ARRDC2: variants seen among roughly 807,000 people sequenced by gnomAD.
ARRDC2 encodes the protein arrestin domain-containing protein 2.
Under a neutral mutation model 38.9 loss-of-function variants are expected in ARRDC2, and 39 were observed. The observed-to-expected ratio is 1.00, with a 90% confidence interval of 0.78 to 1.31. ARRDC2 has a LOEUF of 1.31. ARRDC2 is among the 50% of genes most tolerant of loss of function. The pLI, the probability that ARRDC2 is intolerant of heterozygous loss-of-function variation, is 0.00. For synonymous variants in ARRDC2, 300 were observed against 261.9 expected, an observed-to-expected ratio of 1.15 and a Z score of -1.41; for missense variants, 553 against 588.4, an observed-to-expected ratio of 0.94 and a Z score of 0.62.
chr19:18,008,134 C>CCCCCCCCA, upstream of ARRDC2: 2 of 1,301,154 alleles, frequency 1.5e-6, no homozygotes, highest in Non-Finnish European at 2.0e-6. Context: ...CCCCCCCGCC[C>CCCCCCCCA]TGCCGTATAA....
chr19:18,009,142 T>C, intron 3 of ARRDC2, 24 bp downstream of exon 3: 1 of 1,610,164 alleles, frequency 6.2e-7, no homozygotes, highest in Non-Finnish European at 8.5e-7. Context: ...CTTGGGGAGG[T>C]AGGTTGGGAG....
chr19:18,001,821 G>C (rs2033192581), intron 1 of ARRDC2, among the ~76,000 whole-genome samples: 1 of 152,208 alleles, frequency 6.6e-6, no homozygotes, highest in African/African-American at 2.4e-5. Context: ...CGCGCGCCTG[G>C]AGTCCCAGCT....
chr19:18,006,517 G>A (rs10423598), upstream of ARRDC2, among the ~76,000 whole-genome samples: 32,792 of 152,086 alleles, frequency 0.22, 3,754 homozygotes, highest in African/African-American at 0.27. Context: ...CACTCGGCAG[G>A]CTGAGACAGG....
In ARRDC2 at chr19:18,009,653, T is replaced by C. The variant is rs1359364583; in HGVS notation, c.551T>C (p.Val184Ala). Residue 184 changes from valine (V) to alanine (A), a missense_variant, in exon 4 of 8, where the codon GTC becomes GCC. Transcript: ENST00000222250. ...TCCTGGTACTGTAACCGTGGCCTAGTCTCCCTTTCGGCCAAGATCGACCGC... is the reference window on the plus strand; with the variant it reads ...TCCTGGTACTGTAACCGTGGCCTAGCCTCCCTTTCGGCCAAGATCGACCGC... ...ARSWYCNRGL[V>A]SLSAKIDRKG... The C allele has an allele frequency of 6.2e-7, 1 of 1,611,146 alleles. No individual in the cohort carries two copies. Among genetic ancestry groups the C allele is most frequent in the Non-Finnish European group, 8.5e-7 (1 of 1,177,856 alleles).
chr19:18,008,467 G>A lies in ARRDC2; in HGVS notation c.157G>A (p.Gly53Ser). Reference protein sequence around the residue: ...RVGALRLRARGRAHVHWTESR... With the variant: ...RVGALRLRARSRAHVHWTESR... ...GGGTGCCCTGAGGCTGCGCGCGCGG[G>A]GCCGCGCCCACGTGCACTGGACCGA... is the stretch of plus-strand genomic sequence containing the variant. Residue 53 changes from glycine to serine, a missense_variant, in exon 1 of 8, where the codon GGC becomes AGC. Coordinates refer to ENST00000222250, the MANE Select transcript of ARRDC2 (RefSeq NM_015683.2). 2 of 1,531,536 alleles carry A rather than the reference G, an allele frequency of 1.3e-6. No homozygotes were observed. Among genetic ancestry groups the A allele is most frequent in the African/African-American group, 2.7e-5 (2 of 73,100 alleles). The allele number at this position is 1,531,536 out of a possible 1,614,324, so 94.9% of individuals were successfully genotyped here. A position where few individuals can be genotyped will look rare whatever the true frequency, so the allele number is the denominator to read the frequency against.
chr19:18,009,554 A>G (rs755406511), intron 3 of ARRDC2, 38 bp from the exon 4 acceptor site: 9 of 1,548,924 alleles, frequency 5.8e-6, no homozygotes, highest in South Asian at 2.4e-5. Flanking sequence ...GGTTTGCACA[A>G]AGTGACTCAT....
At chr19:18,008,116 A>AGCGC, upstream of ARRDC2, 1 of 522,500 alleles carries the variant, frequency 1.9e-6, no homozygotes, top group Non-Finnish European at 2.9e-6. Context: ...AGAGACGGTG[A>AGCGC]CCCCACCCCC....
chr19:18,009,405 A>T, intron 3 of ARRDC2, 187 bp from the exon 4 acceptor site: 1 of 639,990 alleles, frequency 1.6e-6, no homozygotes, highest in Non-Finnish European at 2.7e-6. Context: ...TGGCTTATAC[A>T]TTTCATTTCT....
At chr19:18,009,418 C>T (rs1266848000) in intron 3 of ARRDC2, 174 bp from the exon 4 acceptor site, 2 of 655,942 alleles carry the variant, frequency 3.0e-6, no homozygotes, top group African/African-American at 3.6e-5. Context: ...TCATTTCTGG[C>T]TTTATAAGAT....
chr19:18,008,726 C>T lies in ARRDC2; in HGVS notation c.290C>T (p.Thr97Met). ...CTACCTGCAGATACCGGGGAGACCA[C>T]GACGCTGCCTCCTGGGCGCCATGAG... The part of the protein sequence containing the change: ...TLLAPDTGET[T>M]TLPPGRHEFL... Residue 97 changes from threonine to methionine, a missense_variant, in exon 2 of 8, where the codon ACG (threonine) becomes ATG (methionine). Transcript: ENST00000222250. 6.2e-7 allele frequency: 1 copy of T among 1,613,476 alleles called. No individual in the cohort carries two copies.
upstream of ARRDC2, among the ~76,000 whole-genome samples, chr19:18,004,963 C>T (rs1599393485): frequency 6.7e-6 from 1 of 148,394 alleles, no homozygotes; most frequent in African/African-American, 2.5e-5. Flanking sequence ...CCAGCCTGGG[C>T]AACAGAGTGA....
rs563618454 is a variant in ARRDC2, at chr19:18,001,357, C to G, written c.43C>G (p.Arg15Gly). ...GCGCAGCTTCGCGCTGGAGCTGGCG[C>G]GGGGCCCGGGCGGCGCCTACCGCGG... Residue 15 changes from arginine to glycine, a missense_variant, in exon 1 of 8, where the codon CGG becomes GGG. Arg to Gly is a moderately radical substitution (Grantham distance 125). Coordinates refer to the ARRDC2 transcript ENST00000379656. 89 of 1,195,738 alleles carry G rather than the reference C, an allele frequency of 7.4e-5. No individual in the cohort carries two copies. The African/African-American group carries it at 1.0e-3, about 14-fold the overall frequency. 74.1% of individuals were successfully genotyped at this position (1,195,738 alleles called of 1,614,324 possible).
Position 18,010,688 on chromosome 19 carries a change from A to G in ARRDC2, c.1129A>G (p.Ile377Val). The change falls in exon 7 of 8, where the codon ATC becomes GTC. Residue 377 changes from isoleucine to valine, a missense_variant. Around this residue, in one of 3 missense-constraint regions of ARRDC2, gnomAD observed 100 missense variants for 107.6 expected, o/e 0.93. Coordinates refer to ENST00000222250, the MANE Select transcript of ARRDC2 (RefSeq NM_015683.2). ...MSLEGPFFAYIQEFRYRPPPL... is the reference protein window; with the variant it reads ...MSLEGPFFAYVQEFRYRPPPL... ...CCTTGAAGGCCCGTTCTTCGCCTAC[A>G]TCCAAGAGTTCCGCTACCGCCCGCC... 1 of 1,613,748 alleles carries G rather than the reference A, an allele frequency of 6.2e-7. No individual in the cohort carries two copies. Among genetic ancestry groups the G allele is most frequent in the South Asian group, 1.1e-5 (1 of 91,078 alleles).
At chr19:18,012,811 C>A in intron 7 of ARRDC2, 102 bp from the exon 8 acceptor site, 1 of 1,280,808 alleles carries the variant, frequency 7.8e-7, no homozygotes, top group Non-Finnish European at 1.1e-6. Flanking sequence ...TGGCCTCATC[C>A]CTGGTCAAGG....
At chr19:18,002,774 G>A (rs904965646) in intron 1 of ARRDC2, among the ~76,000 whole-genome samples, 1 of 152,138 alleles carries the variant, frequency 6.6e-6, no homozygotes, top group Non-Finnish European at 1.5e-5. Flanking sequence ...TCACCCGAAG[G>A]CCGGCCCAGA....
upstream of ARRDC2, chr19:18,007,590 A>G (rs1312153316): frequency 6.5e-6 from 1 of 152,966 alleles, no homozygotes; most frequent in African/African-American, 2.4e-5. Context: ...GGCTCTACAG[A>G]GGTGGAAACT....
At chr19:18,007,637 A>G (rs1447152335), upstream of ARRDC2, 4 of 153,914 alleles carry the variant, frequency 2.6e-5, no homozygotes, top group African/African-American at 9.6e-5. Context: ...CAGAGCCACC[A>G]GCTAAGCGGG....
At position 18,010,252 on chromosome 19, in the gene ARRDC2, C is replaced by T. The variant is rs1460352804; in HGVS notation, c.906C>T (p.Ile302=). The change falls in exon 6 of 8, where the codon ATC becomes ATT. Residue 302 remains isoleucine, a synonymous_variant. Coordinates refer to ENST00000222250, the MANE Select transcript of ARRDC2 (RefSeq NM_015683.2). ...SKLLLELPLV[I]GTIPLHPFGS... ...TGCTGCTGGAGCTGCCACTGGTGAT[C>T]GGCACCATTCCCTTGCACCCTTTTG... 34 of 1,613,808 alleles carry T rather than the reference C, an allele frequency of 2.1e-5. No individual in the cohort carries two copies. The highest frequency in any genetic ancestry group is 2.7e-5 in the African/African-American group (2 of 74,924).
rs754314251 is a variant in ARRDC2, at chr19:18,010,330, G to A, written c.984G>A (p.Arg328=). The A allele has an allele frequency of 1.2e-6, 2 of 1,611,840 alleles. No homozygotes were observed. Among genetic ancestry groups the A allele is most frequent in the Non-Finnish European group, 1.7e-6 (2 of 1,179,996 alleles). ...GSHASFLLDW[R]LGALPERPEA... Reference sequence around the variant, plus strand: ...ACGCCAGCTTCCTGCTGGACTGGAGGCTGGGGGCCTTGCCGGAGCGGCCTG... The same window carrying A: ...ACGCCAGCTTCCTGCTGGACTGGAGACTGGGGGCCTTGCCGGAGCGGCCTG... Residue 328 remains arginine, a synonymous_variant, in exon 6 of 8, where the codon AGG becomes AGA. Transcript: ENST00000222250.
Sources: allele counts gnomAD v4.1 joint callset (sites outside exome capture counted in the v4.1 genomes callset), GRCh38; gene constraint gnomAD v4.1.1; regional missense constraint gnomAD v4.1.1; transcripts MANE v1.5; gene names NCBI Gene and HGNC (gene_info 2026-07-23, HGNC 2026-07-21).